The following RBFOX3 variants were observed in gnomAD, a reference collection of about 807,000 sequenced individuals.
RBFOX3 encodes RNA binding fox-1 homolog 3.
RBFOX3 carries 17 observed loss-of-function variants against 48.7 expected under a neutral mutation model. The observed-to-expected ratio is 0.35, with a 90% confidence interval of 0.24 to 0.52. The LOEUF is 0.52. RBFOX3 is among the 20% of genes least tolerant of loss of function. The pLI, the probability that RBFOX3 is intolerant of heterozygous loss-of-function variation, is 0.94. For synonymous variants in RBFOX3, 212 were observed against 209.5 expected (o/e 1.01, Z -0.10); for missense variants, 382 against 497.5 (o/e 0.77, Z 2.21).
the RBFOX3 span, among the ~76,000 whole-genome samples, chr17:79,653,113 G>C: frequency 6.6e-6 from 1 of 152,142 alleles, no homozygotes; most frequent in Admixed American, 6.5e-5. Flanking sequence ...CTGAACATGA[G>C]AACAGAATAA....
chr17:79,577,204 T>A (rs1476792378), intron 1 of RBFOX3, among the ~76,000 whole-genome samples: 1 of 152,098 alleles, frequency 6.6e-6, no homozygotes, highest in Non-Finnish European at 1.5e-5. Flanking sequence ...ATGACCAAGA[T>A]CTAAACTTTC....
chr17:79,440,887 C>G (rs2070761306), intron 2 of RBFOX3, among the ~76,000 whole-genome samples: 1 of 152,228 alleles, frequency 6.6e-6, no homozygotes, highest in African/African-American at 2.4e-5. Flanking sequence ...TCCCCACACC[C>G]CATACGAGGG....
intron 2 of RBFOX3, among the ~76,000 whole-genome samples, chr17:79,329,873 A>G (rs1452618806): frequency 6.6e-6 from 1 of 152,196 alleles, no homozygotes. Context: ...GGTCCCACGC[A>G]GAGTCCGGCT....
At chr17:79,231,283 A>T (rs1456961690) in intron 4 of RBFOX3, among the ~76,000 whole-genome samples, 2 of 152,124 alleles carry the variant, frequency 1.3e-5, no homozygotes, top group Non-Finnish European at 2.9e-5. Context: ...GGAGAAAACC[A>T]CCCAAGGTTG....
At chr17:79,189,532 C>G (rs919601480) in intron 4 of RBFOX3, among the ~76,000 whole-genome samples, 1 of 152,214 alleles carries the variant, frequency 6.6e-6, no homozygotes, top group Non-Finnish European at 1.5e-5. Context: ...ACCACCGCTC[C>G]GTCTGTGCAG....
rs868069185 is a variant in RBFOX3, at chr17:79,151,316, G to C, written c.-33-35568C>G. On this transcript the variant is annotated intron_variant, in intron 4 of 14. Transcript: ENST00000693108. The stretch of plus-strand genomic sequence containing the variant: ...GGGACCCTGGGTCAGCTGCCCCACG[G>C]GACGCGTGGTCCCGACGGCTCTGGG... 3.2e-4 allele frequency among the ~76,000 whole-genome samples: 48 copies of C among 149,580 alleles called. No homozygotes were observed. The Middle Eastern group carries it at 0.01, about 32-fold the overall frequency.
chr17:79,251,871 C>A (rs1261817200), intron 3 of RBFOX3, among the ~76,000 whole-genome samples: 3 of 152,240 alleles, frequency 2.0e-5, no homozygotes, highest in African/African-American at 7.2e-5. Flanking sequence ...GGGGTCTGCC[C>A]TCAGGCTGAG....
intron 3 of RBFOX3, among the ~76,000 whole-genome samples, chr17:79,288,118 C>T (rs1261232230): frequency 6.6e-6 from 1 of 152,136 alleles, no homozygotes; most frequent in East Asian, 1.9e-4. Flanking sequence ...CTCAGTGAAG[C>T]CTCTGATCTC....
chr17:79,094,563 G>A (rs2074758453), intron 13 of RBFOX3, 34 bp from the exon 14 acceptor site: 1 of 520,322 alleles, frequency 1.9e-6, no homozygotes, highest in African/African-American at 2.3e-5. Flanking sequence ...AGTGGGAGGA[G>A]GGTGGGGGAG....
the RBFOX3 span, among the ~76,000 whole-genome samples, chr17:79,659,439 G>A: frequency 6.6e-6 from 1 of 152,120 alleles, no homozygotes; most frequent in Non-Finnish European, 1.5e-5. Flanking sequence ...CCAAAGAACA[G>A]CAGGTGCAAA....
At chr17:79,374,745 A>G (rs1230054831) in intron 2 of RBFOX3, among the ~76,000 whole-genome samples, 1 of 152,220 alleles carries the variant, frequency 6.6e-6, no homozygotes, top group African/African-American at 2.4e-5. Flanking sequence ...TAACTTAAGG[A>G]AAGTGTTTTT....
At position 79,217,588 on chromosome 17, in the gene RBFOX3, G is replaced by A. The variant is rs562625908; in HGVS notation, c.-34+18178C>T. On this transcript the variant is annotated intron_variant, in intron 4 of 14. Coordinates refer to ENST00000693108, the MANE Select transcript of RBFOX3 (RefSeq NM_001350451.2). ...AGATGGAGGGGTGAATGGGTAACAG[G>A]AGCACCCAAGGATGAGGGTGGGGGT... Among the ~76,000 whole-genome samples, 5 of 152,260 alleles carry A rather than the reference G, an allele frequency of 3.3e-5. No individual in the cohort carries two copies. In the South Asian group the frequency reaches 8.3e-4, roughly 25 times the overall value.
At chr17:79,130,858 G>A (rs1251858085) in intron 4 of RBFOX3, among the ~76,000 whole-genome samples, 1 of 152,260 alleles carries the variant, frequency 6.6e-6, no homozygotes, top group African/African-American at 2.4e-5. Context: ...CCTGGCCCAA[G>A]CCTCAAAGCC....
chr17:79,658,102 G>A, the RBFOX3 span, among the ~76,000 whole-genome samples: 4,515 of 152,212 alleles, frequency 0.03, 226 homozygotes, highest in African/African-American at 0.1. Flanking sequence ...TACTTTACTC[G>A]TGGTTTTTTT....
At position 79,442,576 on chromosome 17, in the gene RBFOX3, C is replaced by G. The variant is rs1249734127; in HGVS notation, c.-175+39878G>C. Among the ~76,000 whole-genome samples the G allele has an allele frequency of 2.6e-5, 4 of 152,132 alleles. No homozygotes were observed. In the East Asian group the frequency reaches 7.8e-4, roughly 30 times the overall value. ...CATGACAAAATGCAGACACAAAGGA[C>G]AAACCCAGAGGAGGGAGCCACCTAG... On this transcript the variant is annotated intron_variant, in intron 2 of 14. Coordinates refer to ENST00000693108, the MANE Select transcript of RBFOX3 (RefSeq NM_001350451.2).
chr17:79,548,502 CA>C (rs2090774902), intron 1 of RBFOX3, among the ~76,000 whole-genome samples: 1 of 152,262 alleles, frequency 6.6e-6, no homozygotes, highest in Admixed American at 6.5e-5. Flanking sequence ...TTTATTTCTG[CA>C]GGAAGCGCAG....
intron 4 of RBFOX3, among the ~76,000 whole-genome samples, chr17:79,144,768 G>A (rs11658648): frequency 0.25 from 37,928 of 152,124 alleles, 4,993 homozygotes; most frequent in South Asian, 0.39. Flanking sequence ...CCCCCCACTC[G>A]GGCACAGGAA....
intron 1 of RBFOX3, among the ~76,000 whole-genome samples, chr17:79,504,886 G>A (rs927497127): frequency 2.0e-5 from 3 of 152,180 alleles, no homozygotes; most frequent in Admixed American, 1.3e-4. Context: ...AGATGCGGAC[G>A]TGCGTGAGGG....
rs145877674 is a variant in RBFOX3 at position 79,287,903 on chromosome 17, G to A, written c.-74+19821C>T. Among the ~76,000 whole-genome samples the A allele has an allele frequency of 3.8e-3, 582 of 152,270 alleles. 7 individuals are homozygous for A. The highest frequency in any genetic ancestry group is 0.013 in the African/African-American group (532 of 41,540). On this transcript the variant is annotated intron_variant, in intron 3 of 14. Transcript: ENST00000693108. ...CTGTTTCTCAGGATTGTCACATTGC[G>A]GCACGTCGCAGACAGTGAGTGCGGC...
Sources: gnomAD v4.1 joint callset for allele counts (sites outside exome capture counted in the v4.1 genomes callset) on GRCh38, gnomAD v4.1.1 for gene constraint, MANE v1.5 for transcripts, NCBI Gene and HGNC (gene_info 2026-07-23, HGNC 2026-07-21) for gene names.